WNT7B: variants seen among roughly 807,000 people sequenced by gnomAD.
WNT7B encodes the protein protein Wnt-7b.
A neutral mutation model predicts 38.2 loss-of-function variants in WNT7B; 19 were observed. The observed-to-expected ratio is 0.50, with a 90% CI of 0.35 to 0.73. The LOEUF (loss-of-function observed/expected upper bound fraction) is 0.73. WNT7B is among the 30% of genes least tolerant of loss of function. WNT7B has a pLI of 0.01. For synonymous variants in WNT7B, 243 were observed against 209.3 expected, an observed-to-expected ratio of 1.16 and a Z score of -1.39; for missense variants, 423 against 507.9, an observed-to-expected ratio of 0.83 and a Z score of 1.61.
intron 2 of WNT7B, among the ~76,000 whole-genome samples, chr22:45,934,631 A>C (rs1931466130): frequency 6.6e-6 from 1 of 152,198 alleles, no homozygotes; most frequent in Non-Finnish European, 1.5e-5. Context: ...GCAGGCTGGC[A>C]GATCCACGGC....
intron 1 of WNT7B, among the ~76,000 whole-genome samples, chr22:45,970,179 C>T (rs773181924): frequency 1.2e-4 from 19 of 152,244 alleles, no homozygotes; most frequent in Non-Finnish European, 2.8e-4. Context: ...CTGGCGTCAG[C>T]GTCTTCCTCC....
intron 1 of WNT7B, among the ~76,000 whole-genome samples, chr22:45,958,671 A>G (rs911055993): frequency 7.2e-5 from 11 of 152,222 alleles, no homozygotes; most frequent in Non-Finnish European, 1.5e-4. Flanking sequence ...TAGCTCAGGA[A>G]GGCAGGGAGC....
rs1295921834 is a variant in WNT7B, at chr22:45,975,864, A to C, written c.71+820T>G. 2 of 249,712 alleles carry C rather than the reference A, an allele frequency of 8.0e-6. No individual in the cohort carries two copies. Among genetic ancestry groups the C allele is most frequent in the Non-Finnish European group, 1.5e-5 (2 of 133,214 alleles). The allele number at this position is 249,712 out of a possible 1,614,324, so 15.5% of individuals were successfully genotyped here. On this transcript the variant is annotated intron_variant, in intron 1 of 3. Transcript: ENST00000339464. The surrounding 1 kb of genome is among the most constrained non-coding windows in gnomAD (Gnocchi z 6.6). The stretch of plus-strand genomic sequence containing the variant: ...TCCGTCACGCCGTTTCTCCACCCCC[A>C]CTTCGAGCGAAGCCGAGACAGATTC...
rs1430562957 is a variant in WNT7B at position 45,965,518 on chromosome 22, C to A, written c.71+11166G>T. 6.6e-6 allele frequency among the ~76,000 whole-genome samples: 1 copy of A among 152,126 alleles called. No homozygotes were observed. Among genetic ancestry groups the A allele is most frequent in the African/African-American group, 2.4e-5 (1 of 41,428 alleles). ...CCTGGGGGAGCATCCAGACCCACCA[C>A]CCAGATGGGGAAACTGAGGCCCAGA... On this transcript the variant is annotated intron_variant, in intron 1 of 3. Transcript: ENST00000339464. This position sits in a 1 kb window ranked among gnomAD's most constrained non-coding sequence, Gnocchi z 6.5.
At chr22:45,948,775 G>A (rs777186561) in intron 2 of WNT7B, among the ~76,000 whole-genome samples, 9 of 150,586 alleles carry the variant, frequency 6.0e-5, no homozygotes, top group South Asian at 2.1e-4. Context: ...CCCGAGTGAC[G>A]TGTTCAAGGT....
intron 1 of WNT7B, among the ~76,000 whole-genome samples, chr22:45,960,541 C>G (rs1359726183): frequency 6.6e-6 from 1 of 152,218 alleles, no homozygotes; most frequent in African/African-American, 2.4e-5. Flanking sequence ...CTGGCTGAGC[C>G]TGGGCCTGAT....
intron 2 of WNT7B, chr22:45,935,816 C>A: frequency 1.0e-6 from 1 of 985,358 alleles, no homozygotes; most frequent in Non-Finnish European, 1.2e-6. Context: ...GCAATAGGCC[C>A]ATGGCAGTGA....
At chr22:45,930,246 A>G (rs1310402176) in intron 3 of WNT7B, among the ~76,000 whole-genome samples, 1 of 152,248 alleles carries the variant, frequency 6.6e-6, no homozygotes, top group African/African-American at 2.4e-5. Flanking sequence ...CCTGGCACAG[A>G]AAAGGGCAGT....
At position 45,950,073 on chromosome 22, in the gene WNT7B, G is replaced by A. The variant is rs757547734; in HGVS notation, c.145C>T (p.Arg49Cys). The A allele has an allele frequency of 6.2e-7, 1 of 1,614,026 alleles. No individual in the cohort carries two copies. Among genetic ancestry groups the A allele is most frequent in the South Asian group, 1.1e-5 (1 of 91,090 alleles). ...NKIPGLAPRQRAICQSRPDAI... is the reference protein window; with the variant it reads ...NKIPGLAPRQCAICQSRPDAI... ...TCGGGCCGACTCTGGCAGATGGCAC[G>A]CTGCCGCGGGGCTAGGCCAGGAATC... The change falls in exon 2 of 4, where the codon CGT becomes TGT. Residue 49 changes from arginine (R) to cysteine (C), a missense_variant. Around this residue, in one of 3 missense-constraint regions of WNT7B, gnomAD observed 133 missense variants for 179.8 expected, o/e 0.74. Coordinates refer to ENST00000339464, the MANE Select transcript of WNT7B (RefSeq NM_058238.3).
At chr22:45,944,757 A>G (rs11492038) in intron 2 of WNT7B, among the ~76,000 whole-genome samples, 3,411 of 152,322 alleles carry the variant, frequency 0.022, 151 homozygotes, top group African/African-American at 0.078. Flanking sequence ...CATACAGCAG[A>G]CACTCAAGGA....
intron 3 of WNT7B, 77 bp downstream of exon 3, chr22:45,931,021 A>G (rs1931332311): frequency 1.4e-6 from 2 of 1,469,220 alleles, no homozygotes; most frequent in Non-Finnish European, 1.8e-6. Flanking sequence ...CTAGAAGAGG[A>G]GCCTGAGGCT....
At position 45,929,964 on chromosome 22, in the gene WNT7B, C is replaced by CTACCCACCCATGCATCCACTCATA. The variant is rs1188781653; in HGVS notation, c.570+1133_570+1134insTATGAGTGGATGCATGGGTGGGTA. 2.6e-3 allele frequency among the ~76,000 whole-genome samples: 394 copies of CTACCCACCCATGCATCCACTCATA among 150,298 alleles called. 3 individuals carry two copies. The highest frequency in any genetic ancestry group is 9.3e-3 in the African/African-American group (376 of 40,476). On this transcript the variant is annotated intron_variant, in intron 3 of 3. Coordinates refer to ENST00000339464, the MANE Select transcript of WNT7B (RefSeq NM_058238.3). ...TCCTTCCATCCATCCACTCATACAT[C>CTACCCACCCATGCATCCACTCATA]TATCCATCCATCCAACAATAACTTA...
chr22:45,925,773 G>T, intron 3 of WNT7B: 12 of 985,418 alleles, frequency 1.2e-5, no homozygotes, highest in Non-Finnish European at 1.4e-5. Context: ...GCCCCTCTCG[G>T]AGTTCCCAGC....
intron 3 of WNT7B, among the ~76,000 whole-genome samples, chr22:45,930,829 A>G (rs576331575): frequency 6.6e-6 from 1 of 152,316 alleles, no homozygotes; most frequent in East Asian, 1.9e-4. Flanking sequence ...CACACCCTGC[A>G]TGGAAATGGA....
Position 45,966,273 on chromosome 22 carries a change from C to A in WNT7B, c.71+10411G>T, listed in dbSNP as rs1353443450. On this transcript the variant is annotated intron_variant, in intron 1 of 3. Coordinates refer to ENST00000339464, the MANE Select transcript of WNT7B (RefSeq NM_058238.3). This position sits in a 1 kb window ranked among gnomAD's most constrained non-coding sequence, Gnocchi z 4.2. ...TGGAGGACTTCCCAATTGGAAGGGG[C>A]TTTGCCATCTGTCTCACCACGTGGG... 6.6e-6 allele frequency among the ~76,000 whole-genome samples: 1 copy of A among 152,232 alleles called. No individual in the cohort carries two copies. The highest frequency in any genetic ancestry group is 1.5e-5 in the Non-Finnish European group (1 of 68,044).
Position 45,950,191 on chromosome 22 carries a change from C to T in WNT7B, c.72-45G>A, listed in dbSNP as rs778426006. 27 of 1,532,392 alleles carry T rather than the reference C, an allele frequency of 1.8e-5. No homozygotes were observed. In the East Asian group the frequency reaches 5.1e-4, roughly 29 times the overall value. 94.9% of individuals were successfully genotyped at this position (1,532,392 alleles called of 1,614,324 possible). On this transcript the variant is annotated intron_variant, in intron 1 of 3. Coordinates refer to ENST00000339464, the MANE Select transcript of WNT7B (RefSeq NM_058238.3). Reference sequence around the variant, plus strand: ...GAGGCCGTGAGACGGCGGCGGCCAGCGCCCCTCCTCACCCCCAACACCTTT... The same window carrying T: ...GAGGCCGTGAGACGGCGGCGGCCAGTGCCCCTCCTCACCCCCAACACCTTT...
intron 1 of WNT7B, among the ~76,000 whole-genome samples, chr22:45,952,995 C>A (rs549496565): frequency 6.8e-4 from 104 of 152,340 alleles, no homozygotes; most frequent in Non-Finnish European, 1.1e-3. Context: ...CTGACATATT[C>A]CATTTCCCTT....
intron 1 of WNT7B, chr22:45,954,611 G>T (rs2146737254): frequency 3.0e-6 from 3 of 985,366 alleles, no homozygotes; most frequent in Middle Eastern, 5.2e-4. Flanking sequence ...CCCCCTGCGT[G>T]CCCGTGCATG....
intron 2 of WNT7B, among the ~76,000 whole-genome samples, chr22:45,933,785 T>G (rs1195251945): frequency 6.6e-6 from 1 of 152,104 alleles, no homozygotes; most frequent in African/African-American, 2.4e-5. Context: ...GTGACAGGCG[T>G]GCACTCCCGG....
Sources: gnomAD v4.1 joint callset for allele counts (sites outside exome capture counted in the v4.1 genomes callset) on GRCh38, gnomAD v4.1.1 for gene constraint, gnomAD v4.1.1 regional missense constraint, Gnocchi (gnomAD v3.1) non-coding constraint, MANE v1.5 for transcripts, NCBI Gene and HGNC (gene_info 2026-07-23, HGNC 2026-07-21) for gene names.